SLC35F3: variants seen among roughly 807,000 people sequenced by gnomAD.
SLC35F3 encodes the protein solute carrier family 35 member F3.
In SLC35F3, 25 loss-of-function variants were observed where a neutral mutation model predicts 49.9. The observed-to-expected ratio is 0.50, with a 90% confidence interval of 0.37 to 0.70. The LOEUF (loss-of-function observed/expected upper bound fraction) is 0.70. Among genes scored for constraint, SLC35F3 ranks in the 30% least tolerant of loss-of-function variants. The pLI, the probability that SLC35F3 is intolerant of heterozygous loss-of-function variation, is 0.00. For synonymous variants in SLC35F3, 275 were observed against 265.4 expected (o/e 1.04, Z -0.35); for missense variants, 525 against 639.8 (o/e 0.82, Z 1.94).
chr1:234,057,312 A>T (rs1019342331), intron 2 of SLC35F3, among the ~76,000 whole-genome samples: 1 of 152,182 alleles, frequency 6.6e-6, no homozygotes, highest in African/African-American at 2.4e-5. Context: ...TTTTTCATTC[A>T]TTTAAATCTT....
intron 2 of SLC35F3, among the ~76,000 whole-genome samples, chr1:233,968,490 TCTTTTTC>T (rs386640470): frequency 2.9e-5 from 4 of 140,186 alleles, no homozygotes. Context: ...TTTTTCTTTT[TCTTTTTC>T]TTTTGTTTTT....
intron 2 of SLC35F3, among the ~76,000 whole-genome samples, chr1:234,147,494 C>G (rs892575200): frequency 1.3e-5 from 2 of 151,948 alleles, no homozygotes; most frequent in Non-Finnish European, 2.9e-5. Flanking sequence ...GTTGTAATAT[C>G]TCTGCTTTGG....
intron 2 of SLC35F3, among the ~76,000 whole-genome samples, chr1:234,028,223 G>A (rs1047334317): frequency 4.6e-4 from 70 of 152,288 alleles, no homozygotes; most frequent in African/African-American, 1.6e-3. Flanking sequence ...TGCACTGGCT[G>A]TGCCCCCGAT....
chr1:234,124,020 G>A (rs1016962858), intron 2 of SLC35F3, among the ~76,000 whole-genome samples: 4 of 152,194 alleles, frequency 2.6e-5, no homozygotes, highest in Non-Finnish European at 5.9e-5. Flanking sequence ...TCTGAAGGCA[G>A]CCATCTGTGA....
intron 2 of SLC35F3, among the ~76,000 whole-genome samples, chr1:234,096,369 G>A (rs1665124064): frequency 6.6e-6 from 1 of 152,198 alleles, no homozygotes; most frequent in Non-Finnish European, 1.5e-5. Flanking sequence ...GCTCTGCTTG[G>A]AGAGGGATTC....
chr1:234,024,707 TAATCCATC>T (rs1663951548), intron 2 of SLC35F3, among the ~76,000 whole-genome samples: 1 of 152,210 alleles, frequency 6.6e-6, no homozygotes, highest in Non-Finnish European at 1.5e-5. Context: ...ATTGATCCAT[TAATCCATC>T]AGTGGATTAT....
At chr1:233,992,923 C>G (rs1162223795) in intron 2 of SLC35F3, among the ~76,000 whole-genome samples, 1 of 152,016 alleles carries the variant, frequency 6.6e-6, no homozygotes, top group African/African-American at 2.4e-5. Context: ...CCTGTCTGGG[C>G]CCCTGTGGCA....
intron 2 of SLC35F3, among the ~76,000 whole-genome samples, chr1:234,173,234 A>G (rs1666427570): frequency 6.6e-6 from 1 of 152,182 alleles, no homozygotes; most frequent in African/African-American, 2.4e-5. Flanking sequence ...ATCATGATGA[A>G]AATACCAAAT....
chr1:234,199,429 G>A (rs1376418314), intron 2 of SLC35F3, among the ~76,000 whole-genome samples: 2 of 152,108 alleles, frequency 1.3e-5, no homozygotes, highest in African/African-American at 4.8e-5. Flanking sequence ...AAAACTGTAT[G>A]TTCATTCACA....
At chr1:234,077,404 C>T (rs1664808976) in intron 2 of SLC35F3, among the ~76,000 whole-genome samples, 1 of 152,180 alleles carries the variant, frequency 6.6e-6, no homozygotes, top group Non-Finnish European at 1.5e-5. Flanking sequence ...GCACCTTTTT[C>T]ACAAGGCTGC....
intron 2 of SLC35F3, among the ~76,000 whole-genome samples, chr1:234,194,046 G>C (rs1259029144): frequency 3.3e-5 from 5 of 152,108 alleles, no homozygotes; most frequent in Non-Finnish European, 5.9e-5. Context: ...TTTATTTAAA[G>C]TTTAATAGTT....
chr1:234,277,200 G>A (rs1668226340), intron 3 of SLC35F3, among the ~76,000 whole-genome samples: 1 of 152,220 alleles, frequency 6.6e-6, no homozygotes, highest in East Asian at 1.9e-4. Flanking sequence ...AGGGCTCTGT[G>A]TGGCCGGCGG....
rs564191871 is a variant in SLC35F3, at chr1:234,144,434, A to G, written c.284-86983A>G. Among the ~76,000 whole-genome samples, 6 of 152,278 alleles carry G rather than the reference A, an allele frequency of 3.9e-5. No homozygotes were observed. In the South Asian group the frequency reaches 1.0e-3, roughly 26 times the overall value. On this transcript the variant is annotated intron_variant, in intron 2 of 7. Coordinates refer to ENST00000366618, the MANE Select transcript of SLC35F3 (RefSeq NM_173508.4). ...CTTCTCATGATGGAATGGTGGTTCC[A>G]TTTGGTAATTCTTTGCAGCATATTA...
At chr1:233,989,107 G>T (rs1316445287) in intron 2 of SLC35F3, among the ~76,000 whole-genome samples, 2 of 152,208 alleles carry the variant, frequency 1.3e-5, no homozygotes, top group African/African-American at 4.8e-5. Flanking sequence ...TACACATAGT[G>T]CCCAGGACTT....
intron 2 of SLC35F3, among the ~76,000 whole-genome samples, chr1:234,085,940 G>T (rs1664953286): frequency 6.6e-6 from 1 of 152,188 alleles, no homozygotes; most frequent in Non-Finnish European, 1.5e-5. Flanking sequence ...CTATTAGGTT[G>T]AACTATATAC....
rs769272713 is a variant in SLC35F3 at position 234,288,084 on chromosome 1, G to A, written c.609-21017G>A. On this transcript the variant is annotated intron_variant, in intron 3 of 7. Coordinates refer to ENST00000366618, the MANE Select transcript of SLC35F3 (RefSeq NM_173508.4). ...TATTTTTTGTGGAGACTGGGGTCTC[G>A]CTATGTTGCCCAGCCTTGTCTTAAA... Among the ~76,000 whole-genome samples, 11 of 151,858 alleles carry A rather than the reference G, an allele frequency of 7.2e-5. 1 individual carries two copies. Among genetic ancestry groups the A allele is most frequent in the Admixed American group, 4.6e-4 (7 of 15,248 alleles).
chr1:234,117,149 T>C (rs557382390), intron 2 of SLC35F3, among the ~76,000 whole-genome samples: 2 of 152,318 alleles, frequency 1.3e-5, no homozygotes, highest in African/African-American at 4.8e-5. Flanking sequence ...GTAGAATTTC[T>C]GGTGCTTCAA....
intron 2 of SLC35F3, among the ~76,000 whole-genome samples, chr1:234,174,951 C>T (rs1256017465): frequency 1.3e-5 from 2 of 152,198 alleles, no homozygotes. Context: ...AGAGTTCAGT[C>T]CTCCTGGGGA....
chr1:234,225,186 CT>C (rs1317435852), intron 2 of SLC35F3, among the ~76,000 whole-genome samples: 2 of 152,214 alleles, frequency 1.3e-5, no homozygotes, highest in African/African-American at 2.4e-5. Flanking sequence ...GTCTCCCCCC[CT>C]TTCCTCTACA....
Sources: allele counts gnomAD v4.1 joint callset (sites outside exome capture counted in the v4.1 genomes callset), GRCh38; gene constraint gnomAD v4.1.1; transcripts MANE v1.5; gene names NCBI Gene and HGNC (gene_info 2026-07-23, HGNC 2026-07-21).